Variants in CECR2 observed in about 807,000 individuals in gnomAD.
CECR2 encodes chromatin remodeling regulator CECR2.
A neutral mutation model predicts 154.5 loss-of-function variants in CECR2; 30 were observed. The ratio of observed to expected loss-of-function variants is 0.19; its 90% confidence interval spans 0.15 to 0.26. CECR2 has a LOEUF of 0.26. Among genes scored for constraint, CECR2 ranks in the 10% least tolerant of loss-of-function variants. CECR2 has a pLI of 1.00. For synonymous variants in CECR2, 725 were observed against 683.7 expected, an observed-to-expected ratio of 1.06 and a Z score of -0.94; for missense variants, 1,743 against 1,829.3, an observed-to-expected ratio of 0.95 and a Z score of 0.86.
chr22:17,436,975 G>A (rs1375442354), intron 1 of CECR2, among the ~76,000 whole-genome samples: 1 of 152,158 alleles, frequency 6.6e-6, no homozygotes, highest in Non-Finnish European at 1.5e-5. Context: ...TCTGAAGCTT[G>A]GCCTTGAGGC....
chr22:17,393,319 G>A (rs1475212361), intron 1 of CECR2, among the ~76,000 whole-genome samples: 1 of 151,966 alleles, frequency 6.6e-6, no homozygotes, highest in Non-Finnish European at 1.5e-5. Context: ...ATGTTTTTAG[G>A]TTTCATCCAA....
At chr22:17,427,338 T>G (rs577430530) in intron 1 of CECR2, among the ~76,000 whole-genome samples, 8 of 152,348 alleles carry the variant, frequency 5.3e-5, no homozygotes, top group African/African-American at 1.9e-4. Flanking sequence ...TGCCTGTGTC[T>G]TTATAGTATC....
chr22:17,419,180 C>T (rs1377426445), intron 1 of CECR2: 1 of 153,642 alleles, frequency 6.5e-6, no homozygotes, highest in Non-Finnish European at 1.4e-5. Flanking sequence ...CCCGCGGGGT[C>T]AGGAGCACGA....
chr22:17,425,282 A>C (rs565749832), intron 1 of CECR2, among the ~76,000 whole-genome samples: 122 of 152,210 alleles, frequency 8.0e-4, no homozygotes, highest in African/African-American at 2.8e-3. Flanking sequence ...ACACAGGTGA[A>C]TATGTATGTA....
At chr22:17,532,005 C>T (rs1389310100) in intron 9 of CECR2, among the ~76,000 whole-genome samples, 1 of 151,974 alleles carries the variant, frequency 6.6e-6, no homozygotes, top group Non-Finnish European at 1.5e-5. Context: ...CCCATCTCTA[C>T]AGAAAATCTT....
chr22:17,381,940 T>G (rs558343922), intron 1 of CECR2, among the ~76,000 whole-genome samples: 1 of 151,240 alleles, frequency 6.6e-6, no homozygotes, highest in South Asian at 2.1e-4. Context: ...CAGGCTGGAG[T>G]GCAGTGGCAC....
chr22:17,467,348 A>G (rs1159625192), intron 1 of CECR2, among the ~76,000 whole-genome samples: 1 of 152,150 alleles, frequency 6.6e-6, no homozygotes, highest in African/African-American at 2.4e-5. Flanking sequence ...GCTTTGAGGA[A>G]CGTATCTGTA....
At chr22:17,466,091 G>A (rs942398415) in intron 1 of CECR2, among the ~76,000 whole-genome samples, 8 of 151,692 alleles carry the variant, frequency 5.3e-5, no homozygotes, top group Non-Finnish European at 8.8e-5. Flanking sequence ...GTATGATCTC[G>A]TCGGCTCACT....
At chr22:17,529,203 A>T (rs1485372639) in intron 9 of CECR2, among the ~76,000 whole-genome samples, 2 of 152,254 alleles carry the variant, frequency 1.3e-5, no homozygotes, top group African/African-American at 2.4e-5. Context: ...GAGCAGAGGC[A>T]CGGAGGCAGG....
At chr22:17,402,819 G>A (rs1456073772) in intron 1 of CECR2, among the ~76,000 whole-genome samples, 5 of 143,358 alleles carry the variant, frequency 3.5e-5, no homozygotes, top group African/African-American at 1.0e-4. Flanking sequence ...GTGCAGTGGC[G>A]CAATCTCGGC....
Position 17,407,856 on chromosome 22 carries a change from A to G in CECR2, c.126+37947A>G, listed in dbSNP as rs2054008383. 4.6e-5 allele frequency among the ~76,000 whole-genome samples: 7 copies of G among 152,268 alleles called. No homozygotes were observed. In the South Asian group the frequency reaches 1.5e-3, roughly 32 times the overall value. ...AAGACAGCTCTTGAGAACAACAGCAAACATCATCTAGTCCAAAATGTCAGT... is the reference window on the plus strand; with the variant it reads ...AAGACAGCTCTTGAGAACAACAGCAGACATCATCTAGTCCAAAATGTCAGT... On this transcript the variant is annotated intron_variant, in intron 1 of 18. Transcript: ENST00000262608.
intron 1 of CECR2, among the ~76,000 whole-genome samples, chr22:17,411,822 C>T (rs1017853430): frequency 5.9e-5 from 9 of 152,006 alleles, no homozygotes; most frequent in African/African-American, 9.7e-5. Flanking sequence ...TATACAGATA[C>T]ATGTAAAATG....
intron 1 of CECR2, among the ~76,000 whole-genome samples, chr22:17,460,738 A>T (rs925248135): frequency 2.6e-5 from 4 of 152,084 alleles, no homozygotes; most frequent in African/African-American, 9.7e-5. Flanking sequence ...CAGTCGTTGA[A>T]TCACATTAAT....
At chr22:17,532,541 T>C (rs960865158) in intron 9 of CECR2, among the ~76,000 whole-genome samples, 2 of 152,136 alleles carry the variant, frequency 1.3e-5, no homozygotes, top group South Asian at 4.2e-4. Context: ...CTCTATTGTT[T>C]CCATTTAATA....
At chr22:17,452,199 A>C (rs2146703015) in intron 1 of CECR2, among the ~76,000 whole-genome samples, 1 of 152,250 alleles carries the variant, frequency 6.6e-6, no homozygotes, top group Admixed American at 6.5e-5. Context: ...CAGCCTCTGG[A>C]ATAGCTGGGA....
At chr22:17,440,077 AAAAC>A (rs1218338715) in intron 1 of CECR2, among the ~76,000 whole-genome samples, 6 of 151,938 alleles carry the variant, frequency 3.9e-5, no homozygotes, top group East Asian at 1.9e-4. Flanking sequence ...ATTGAAAAAA[AAAAC>A]AAAAAAAGTA....
At chr22:17,429,798 A>G (rs760762961) in intron 1 of CECR2, among the ~76,000 whole-genome samples, 2 of 152,224 alleles carry the variant, frequency 1.3e-5, no homozygotes, top group Non-Finnish European at 2.9e-5. Flanking sequence ...GCAGAGAACT[A>G]GAGCTTGATT....
intron 1 of CECR2, among the ~76,000 whole-genome samples, chr22:17,423,255 C>T (rs1266527294): frequency 6.6e-6 from 1 of 152,096 alleles, no homozygotes; most frequent in African/African-American, 2.4e-5. Context: ...TCCCCCCACC[C>T]TTCATGGGAC....
chr22:17,407,254 T>C (rs188403274), intron 1 of CECR2, among the ~76,000 whole-genome samples: 96 of 152,320 alleles, frequency 6.3e-4, no homozygotes, highest in African/African-American at 2.2e-3. Flanking sequence ...TGCATCATCC[T>C]AGTGAGATAT....
Sources: allele counts gnomAD v4.1 joint callset (sites outside exome capture counted in the v4.1 genomes callset), GRCh38; gene constraint gnomAD v4.1.1; transcripts MANE v1.5; gene names NCBI Gene and HGNC (gene_info 2026-07-23, HGNC 2026-07-21).